Variants in GRID1 observed in about 807,000 individuals in gnomAD.
GRID1 encodes the protein glutamate ionotropic receptor delta type subunit 1, also known as glutamate receptor ionotropic, delta-1.
In GRID1, 28 loss-of-function variants were observed where a neutral mutation model predicts 98.0. The ratio of observed to expected loss-of-function variants is 0.29; its 90% CI spans 0.21 to 0.39. The LOEUF (loss-of-function observed/expected upper bound fraction) is 0.39. Ranked by LOEUF, GRID1 falls within the 10% of genes least tolerant of loss-of-function variation. GRID1 has a pLI of 1.00. For missense variants in GRID1, 1,111 were observed against 1,340.5 expected, an observed-to-expected ratio of 0.83 and a Z score of 2.67; for synonymous variants, 553 against 538.5, an observed-to-expected ratio of 1.03 and a Z score of -0.37.
chr10:85,937,858 C>T (rs1207017981), intron 4 of GRID1, among the ~76,000 whole-genome samples: 1 of 152,158 alleles, frequency 6.6e-6, no homozygotes, highest in African/African-American at 2.4e-5. Context: ...GCCCAGAATT[C>T]CAACACTGCC....
chr10:85,799,942 C>A (rs1238613708), intron 8 of GRID1, among the ~76,000 whole-genome samples: 4 of 151,990 alleles, frequency 2.6e-5, no homozygotes, highest in African/African-American at 9.7e-5. Flanking sequence ...GATTATTATA[C>A]AATGTATATA....
chr10:85,658,958 G>C (rs1407707769), intron 12 of GRID1, among the ~76,000 whole-genome samples: 1 of 152,208 alleles, frequency 6.6e-6, no homozygotes, highest in Admixed American at 6.5e-5. Flanking sequence ...AAAATACTTA[G>C]AGGATTGTTA....
chr10:85,604,180 G>A (rs1842622474), intron 15 of GRID1, among the ~76,000 whole-genome samples: 2 of 152,260 alleles, frequency 1.3e-5, no homozygotes, highest in South Asian at 2.1e-4. Flanking sequence ...ATGTCCCCTG[G>A]CATATAGAAG....
intron 5 of GRID1, among the ~76,000 whole-genome samples, chr10:85,880,304 G>T (rs537384774): frequency 1.1e-4 from 16 of 151,654 alleles, no homozygotes; most frequent in Admixed American, 1.1e-3. Context: ...CCAAAGCTGG[G>T]CAGAGACACA....
chr10:85,931,705 T>C (rs928441132), intron 4 of GRID1, among the ~76,000 whole-genome samples: 1 of 152,214 alleles, frequency 6.6e-6, no homozygotes, highest in Non-Finnish European at 1.5e-5. Flanking sequence ...CTGGATCCCT[T>C]TGGTATCCCT....
At chr10:85,877,192 C>A (rs944718288) in intron 5 of GRID1, among the ~76,000 whole-genome samples, 3 of 152,208 alleles carry the variant, frequency 2.0e-5, no homozygotes, top group Non-Finnish European at 4.4e-5. Flanking sequence ...CACAGACAAA[C>A]AAAAACACAG....
At chr10:86,054,353 C>A (rs1295577663) in intron 4 of GRID1, among the ~76,000 whole-genome samples, 3 of 152,188 alleles carry the variant, frequency 2.0e-5, no homozygotes, top group Admixed American at 6.5e-5. Context: ...CCCCCTCCAG[C>A]TGATGCGGTT....
At position 85,916,349 on chromosome 10, in the gene GRID1, C is replaced by T. The variant is rs1451045220; in HGVS notation, c.727-110G>A. On this transcript the variant is annotated intron_variant, in intron 4 of 15. Transcript: ENST00000327946. The surrounding 1 kb of genome is among the most constrained non-coding windows in gnomAD (Gnocchi z 4.0). Reference sequence around the variant, plus strand: ...AACATTGTTCTTGGAGAATATTTTCCTCACAAAACATGCCATCCCCCTGGG... The same window carrying T: ...AACATTGTTCTTGGAGAATATTTTCTTCACAAAACATGCCATCCCCCTGGG... 54 of 897,362 alleles carry T rather than the reference C, an allele frequency of 6.0e-5. No individual in the cohort carries two copies. The East Asian group carries it at 1.3e-3, about 22-fold the overall frequency. The allele number at this position is 897,362 out of a possible 1,614,324, so 55.6% of individuals were successfully genotyped here.
chr10:86,091,942 AC>A (rs1288297766), intron 4 of GRID1, among the ~76,000 whole-genome samples: 3 of 152,218 alleles, frequency 2.0e-5, no homozygotes, highest in Non-Finnish European at 4.4e-5. Context: ...GGGGGAGAGT[AC>A]TACATCAAGG....
intron 3 of GRID1, among the ~76,000 whole-genome samples, chr10:86,177,442 G>GTT (rs1845592011): frequency 6.6e-6 from 1 of 151,942 alleles, no homozygotes; most frequent in African/African-American, 2.4e-5. Context: ...TGTGTATGGG[G>GTT]GGGTGGGTGC....
chr10:85,749,809 C>A (rs1842029640), intron 8 of GRID1, among the ~76,000 whole-genome samples: 1 of 152,186 alleles, frequency 6.6e-6, no homozygotes, highest in African/African-American at 2.4e-5. Context: ...TAATAGACTT[C>A]TTGCATTAGT....
chr10:85,762,240 T>C (rs1196460767), intron 8 of GRID1, among the ~76,000 whole-genome samples: 1 of 152,214 alleles, frequency 6.6e-6, no homozygotes, highest in Non-Finnish European at 1.5e-5. Context: ...GATAATTAAA[T>C]TTGACATAAT....
rs12250047 is a variant in GRID1 at position 85,801,845 on chromosome 10, G to T, written c.1233+52651C>A. On this transcript the variant is annotated intron_variant, in intron 8 of 15. Transcript: ENST00000327946. Reference sequence around the variant, plus strand: ...AAGAATTAGATATGTGAAATTAAGAGATATTATTTTCAGATTACGTGTTTA... The same window carrying T: ...AAGAATTAGATATGTGAAATTAAGATATATTATTTTCAGATTACGTGTTTA... 7.3e-3 allele frequency among the ~76,000 whole-genome samples: 1,112 copies of T among 151,866 alleles called. 14 individuals carry two copies. Among genetic ancestry groups the T allele is most frequent in the African/African-American group, 0.025 (1,039 of 41,510 alleles).
intron 4 of GRID1, among the ~76,000 whole-genome samples, chr10:86,138,362 C>A (rs1012542685): frequency 6.6e-6 from 1 of 152,144 alleles, no homozygotes; most frequent in African/African-American, 2.4e-5. Context: ...AAAATAAGAA[C>A]ATCTAATGTA....
intron 2 of GRID1, among the ~76,000 whole-genome samples, chr10:86,270,617 G>T (rs1407443331): frequency 6.6e-6 from 1 of 152,134 alleles, no homozygotes; most frequent in African/African-American, 2.4e-5. Context: ...TTGAACCCAG[G>T]AGGCAGAGGT....
chr10:86,060,705 G>A (rs937213381), intron 4 of GRID1, among the ~76,000 whole-genome samples: 4 of 152,198 alleles, frequency 2.6e-5, no homozygotes, highest in African/African-American at 9.7e-5. Context: ...GTGGGGAACA[G>A]AACCTCAGGC....
chr10:86,332,825 G>A (rs184075839), intron 2 of GRID1, among the ~76,000 whole-genome samples: 24 of 152,172 alleles, frequency 1.6e-4, no homozygotes, highest in African/African-American at 4.3e-4. Context: ...AAGCGTAGAC[G>A]TGACCTTCAC....
chr10:86,095,756 T>A (rs1844213005), intron 4 of GRID1, among the ~76,000 whole-genome samples: 1 of 152,228 alleles, frequency 6.6e-6, no homozygotes, highest in Admixed American at 6.5e-5. Context: ...ACTTCCACAC[T>A]GCTGGTGGGA....
chr10:85,718,806 C>G (rs759988722), intron 12 of GRID1, among the ~76,000 whole-genome samples: 1 of 152,164 alleles, frequency 6.6e-6, no homozygotes, highest in Non-Finnish European at 1.5e-5. Flanking sequence ...ATTTTCCCCA[C>G]GGTCTTGGGG....
Sources: allele counts gnomAD v4.1 joint callset (sites outside exome capture counted in the v4.1 genomes callset), GRCh38; gene constraint gnomAD v4.1.1; non-coding constraint Gnocchi (gnomAD v3.1); transcripts MANE v1.5; gene names NCBI Gene and HGNC (gene_info 2026-07-23, HGNC 2026-07-21).